PRKX: variants seen among roughly 807,000 people sequenced by gnomAD.
PRKX encodes the protein protein kinase cAMP-dependent X-linked catalytic subunit, also known as cAMP-dependent protein kinase catalytic subunit PRKX.
A neutral mutation model predicts 22.0 loss-of-function variants in PRKX; 12 were observed. That is an observed-to-expected ratio of 0.54 (90% CI 0.35 to 0.88). The LOEUF (loss-of-function observed/expected upper bound fraction) is 0.88, where lower values mean the gene tolerates loss of function less well. Among genes scored for constraint, PRKX ranks in the 40% least tolerant of loss-of-function variants. PRKX has a pLI of 0.01. For missense variants in PRKX, 217 were observed against 308.0 expected (o/e 0.70, Z 2.21); for synonymous variants, 134 against 137.7 (o/e 0.97, Z 0.19).
intron 1 of PRKX, among the ~76,000 whole-genome samples, chrX:3,696,697 A>G (rs965870065): frequency 2.7e-5 from 3 of 112,420 alleles, no homozygotes; most frequent in Non-Finnish European, 5.6e-5. Flanking sequence ...GAATCATCAT[A>G]AATTAGGGAT....
chrX:3,615,170 C>T (rs1393307575), intron 7 of PRKX, among the ~76,000 whole-genome samples: 1 of 108,980 alleles, frequency 9.2e-6, no homozygotes, highest in African/African-American at 3.4e-5. Flanking sequence ...AAGCATATGC[C>T]ACCACGCCTG....
chrX:3,683,755 C>T (rs1326184129), intron 1 of PRKX, among the ~76,000 whole-genome samples: 2 of 111,658 alleles, frequency 1.8e-5, no homozygotes, highest in African/African-American at 6.5e-5. Context: ...GGGAGGATTG[C>T]CTGAGCCTGG....
intron 2 of PRKX, among the ~76,000 whole-genome samples, chrX:3,657,301 A>C (rs1333565969): frequency 9.0e-6 from 1 of 110,975 alleles, no homozygotes; most frequent in East Asian, 2.8e-4. Flanking sequence ...TGATTACGGT[A>C]AAATGTGGTC....
chrX:3,677,354 G>A (rs1239225555), intron 1 of PRKX, among the ~76,000 whole-genome samples: 1 of 99,036 alleles, frequency 1.0e-5, no homozygotes, highest in Non-Finnish European at 2.0e-5. Context: ...TTTGAGACAG[G>A]GTCTCTCTCT....
At chrX:3,696,494 C>G (rs1040041295) in intron 1 of PRKX, among the ~76,000 whole-genome samples, 1 of 112,106 alleles carries the variant, frequency 8.9e-6, no homozygotes. Flanking sequence ...AACGTGAAGC[C>G]TAGTTTACAA....
At chrX:3,642,328 G>A (rs1012141410) in intron 3 of PRKX, among the ~76,000 whole-genome samples, 1 of 110,348 alleles carries the variant, frequency 9.1e-6, no homozygotes, top group East Asian at 2.8e-4. Context: ...GAAAAAGAAC[G>A]AGATCATGTC....
At chrX:3,616,005 T>C in intron 6 of PRKX, 113 bp from the exon 7 acceptor site, 2 of 675,119 alleles carry the variant, frequency 3.0e-6, no homozygotes, top group Admixed American at 2.9e-5. Flanking sequence ...CAGACCAAGT[T>C]TGCTGCATTT....
intron 1 of PRKX, among the ~76,000 whole-genome samples, chrX:3,691,044 A>G (rs1258368824): frequency 9.0e-6 from 1 of 111,502 alleles, no homozygotes; most frequent in Non-Finnish European, 1.9e-5. Context: ...CAGTTAGGAG[A>G]TGACCATTAT....
intron 4 of PRKX, among the ~76,000 whole-genome samples, chrX:3,638,997 TATAA>T (rs1272963456): frequency 2.1e-5 from 2 of 94,577 alleles, no homozygotes; most frequent in African/African-American, 8.0e-5. Flanking sequence ...GAGATGGATA[TATAA>T]ATATATAAAT....
intron 1 of PRKX, among the ~76,000 whole-genome samples, chrX:3,678,617 C>T (rs886777513): frequency 8.9e-6 from 1 of 112,106 alleles, no homozygotes; most frequent in African/African-American, 3.2e-5. Context: ...TTGTCAGTCC[C>T]GCCAACGCCA....
At chrX:3,650,253 G>A (rs1927290951) in intron 3 of PRKX, among the ~76,000 whole-genome samples, 1 of 111,618 alleles carries the variant, frequency 9.0e-6, no homozygotes, top group South Asian at 3.8e-4. Context: ...GGGGCACGGT[G>A]GCTCACGCCT....
At chrX:3,627,148 G>A (rs905192288) in intron 4 of PRKX, among the ~76,000 whole-genome samples, 19 of 110,668 alleles carry the variant, frequency 1.7e-4, no homozygotes, top group African/African-American at 4.9e-4. Context: ...TTGGGAGGCC[G>A]AGGCGGGTGG....
chrX:3,675,906 A>T (rs1344606081), intron 1 of PRKX, among the ~76,000 whole-genome samples: 1 of 111,048 alleles, frequency 9.0e-6, no homozygotes, highest in Non-Finnish European at 1.9e-5. Context: ...CAGCCTACCC[A>T]GTTAATTTTT....
chrX:3,625,225 T>C (rs1317614363), intron 5 of PRKX, among the ~76,000 whole-genome samples: 1 of 111,431 alleles, frequency 9.0e-6, no homozygotes, highest in Non-Finnish European at 1.9e-5. Flanking sequence ...CGACCTTATC[T>C]TCTGTTCAGA....
At chrX:3,665,470 C>T (rs183489265) in intron 2 of PRKX, among the ~76,000 whole-genome samples, 16 of 110,119 alleles carry the variant, frequency 1.5e-4, no homozygotes, top group African/African-American at 4.9e-4. Context: ...AGCGAGACTC[C>T]ATCTCTAAAA....
intron 2 of PRKX, among the ~76,000 whole-genome samples, chrX:3,659,708 GT>G (rs1174844614): frequency 1.0e-4 from 6 of 60,168 alleles, no homozygotes; most frequent in Non-Finnish European, 1.3e-4. Context: ...TTGGAGTGGT[GT>G]TTTTTTTGTT....
chrX:3,657,982 G>A (rs1428439855), intron 2 of PRKX, among the ~76,000 whole-genome samples: 1 of 111,484 alleles, frequency 9.0e-6, no homozygotes, highest in Non-Finnish European at 1.9e-5. Context: ...GGAACTAAGG[G>A]CTTTGGGATT....
chrX:3,669,316 C>CTCCATCCA (rs55930956), intron 2 of PRKX, among the ~76,000 whole-genome samples: 1 of 102,654 alleles, frequency 9.7e-6, no homozygotes, highest in Non-Finnish European at 2.0e-5. Context: ...CAATGTTGAT[C>CTCCATCCA]TCCATCCATC....
At chrX:3,685,021 T>C (rs1452401856) in intron 1 of PRKX, among the ~76,000 whole-genome samples, 1 of 111,245 alleles carries the variant, frequency 9.0e-6, no homozygotes, top group Non-Finnish European at 1.9e-5. Flanking sequence ...TTAACCATGT[T>C]GGCCAGGCTG....
Sources: allele counts gnomAD v4.1 joint callset (sites outside exome capture counted in the v4.1 genomes callset), GRCh38; gene constraint gnomAD v4.1.1; transcripts MANE v1.5; gene names NCBI Gene and HGNC (gene_info 2026-07-23, HGNC 2026-07-21).